Variants in TRPC4AP observed in about 807,000 individuals in gnomAD.
The protein encoded by TRPC4AP is short transient receptor potential channel 4-associated protein.
TRPC4AP carries 45 observed loss-of-function variants against 99.0 expected under a neutral mutation model. The ratio of observed to expected loss-of-function variants is 0.45; its 90% CI spans 0.36 to 0.58. The LOEUF (loss-of-function observed/expected upper bound fraction) is 0.58, where lower values mean the gene tolerates loss of function less well. Among genes scored for constraint, TRPC4AP ranks in the 20% least tolerant of loss-of-function variants. The pLI, the probability that TRPC4AP is intolerant of heterozygous loss-of-function variation, is 0.00. For missense variants in TRPC4AP, 879 were observed against 985.3 expected (o/e 0.89, Z 1.44); for synonymous variants, 408 against 385.8 (o/e 1.06, Z -0.67).
chr20:35,027,522 A>G (rs1387156996), intron 8 of TRPC4AP, among the ~76,000 whole-genome samples: 3 of 152,216 alleles, frequency 2.0e-5, no homozygotes, highest in Non-Finnish European at 4.4e-5. Flanking sequence ...TATCATGATA[A>G]TATGACCTCA....
At chr20:35,065,131 G>A (rs1278387134) in intron 3 of TRPC4AP, among the ~76,000 whole-genome samples, 1 of 152,212 alleles carries the variant, frequency 6.6e-6, no homozygotes, top group Non-Finnish European at 1.5e-5. Flanking sequence ...TCAAATGGAA[G>A]ATAGACTATG....
intron 5 of TRPC4AP, among the ~76,000 whole-genome samples, chr20:35,051,862 T>C (rs539113624): frequency 1.3e-5 from 2 of 152,266 alleles, no homozygotes; most frequent in South Asian, 4.1e-4. Flanking sequence ...TTCTCCTCTC[T>C]TCAATTTATC....
intron 1 of TRPC4AP, among the ~76,000 whole-genome samples, chr20:35,079,632 C>T (rs2084575704): frequency 6.6e-6 from 1 of 151,992 alleles, no homozygotes; most frequent in Admixed American, 6.6e-5. Flanking sequence ...AAACTCTAAC[C>T]AGGCTTATCA....
At chr20:35,006,650 G>C (rs2082524387) in intron 14 of TRPC4AP, 75 bp from the exon 15 acceptor site, 2 of 1,557,582 alleles carry the variant, frequency 1.3e-6, no homozygotes. Context: ...CTCAGACCAT[G>C]CATTGGCTTT....
chr20:35,043,912 G>A (rs1255102078), intron 7 of TRPC4AP, among the ~76,000 whole-genome samples: 12 of 152,124 alleles, frequency 7.9e-5, no homozygotes, highest in Non-Finnish European at 1.6e-4. Context: ...AGGCCCAGGA[G>A]AGACTTAGTA....
chr20:35,010,071 T>C (rs1490877852), intron 12 of TRPC4AP, 116 bp downstream of exon 12: 14 of 775,612 alleles, frequency 1.8e-5, no homozygotes, highest in South Asian at 4.9e-5. Context: ...CTCAGGACAC[T>C]GTAGCTGCAT....
chr20:35,042,970 T>C (rs1484439437), intron 7 of TRPC4AP, among the ~76,000 whole-genome samples: 2 of 152,198 alleles, frequency 1.3e-5, no homozygotes, highest in Non-Finnish European at 2.9e-5. Context: ...TGTGTACCCT[T>C]TGTTTCTTTA....
intron 1 of TRPC4AP, among the ~76,000 whole-genome samples, chr20:35,088,525 T>C (rs908000066): frequency 6.6e-6 from 1 of 152,268 alleles, no homozygotes; most frequent in Non-Finnish European, 1.5e-5. Flanking sequence ...CCAGTCTAAT[T>C]AACTACTAGC....
At chr20:35,015,432 G>A (rs1296027218) in intron 10 of TRPC4AP, among the ~76,000 whole-genome samples, 1 of 150,948 alleles carries the variant, frequency 6.6e-6, no homozygotes, top group Non-Finnish European at 1.5e-5. Flanking sequence ...ATTACAAGGG[G>A]AAGTTGGCTA....
intron 2 of TRPC4AP, among the ~76,000 whole-genome samples, chr20:35,074,712 A>C (rs2084425486): frequency 6.6e-6 from 1 of 152,230 alleles, no homozygotes; most frequent in South Asian, 2.1e-4. Flanking sequence ...TTTTGGAATA[A>C]GTGCGACGTG....
chr20:35,050,555 A>G (rs2083671549), intron 5 of TRPC4AP, among the ~76,000 whole-genome samples: 1 of 151,946 alleles, frequency 6.6e-6, no homozygotes, highest in South Asian at 2.1e-4. Context: ...TCTACTGAAA[A>G]TATAAATATT....
Position 35,078,540 on chromosome 20 carries a change from C to T in TRPC4AP, c.169-366G>A, listed in dbSNP as rs1490608112. 2.6e-5 allele frequency among the ~76,000 whole-genome samples: 4 copies of T among 152,136 alleles called. No homozygotes were observed. The East Asian group carries it at 7.7e-4, about 29-fold the overall frequency. The stretch of plus-strand genomic sequence containing the variant: ...AAAAATAATGGAACCATATAAACTG[C>T]TCAGTTAAGCCCATAAAAGGCAGAA... On this transcript the variant is annotated intron_variant, in intron 1 of 18. Transcript: ENST00000252015.
At chr20:35,085,212 A>C (rs1175793843) in intron 1 of TRPC4AP, among the ~76,000 whole-genome samples, 1 of 152,230 alleles carries the variant, frequency 6.6e-6, no homozygotes, top group Non-Finnish European at 1.5e-5. Context: ...TTTTTGTTAC[A>C]AGCTCCATGA....
At chr20:35,047,611 G>T (rs1205966245) in intron 6 of TRPC4AP, among the ~76,000 whole-genome samples, 1 of 152,114 alleles carries the variant, frequency 6.6e-6, no homozygotes, top group African/African-American at 2.4e-5. Context: ...TTTTTGCTGG[G>T]GCAGTGGCTT....
At chr20:35,082,974 T>C (rs963873177) in intron 1 of TRPC4AP, among the ~76,000 whole-genome samples, 1 of 152,186 alleles carries the variant, frequency 6.6e-6, no homozygotes, top group Non-Finnish European at 1.5e-5. Context: ...ATCAGGAACA[T>C]GCTACTTCTA....
chr20:35,036,435 G>A (rs2083319457), intron 7 of TRPC4AP, among the ~76,000 whole-genome samples: 1 of 152,174 alleles, frequency 6.6e-6, no homozygotes, highest in Non-Finnish European at 1.5e-5. Context: ...TTGGAACCAT[G>A]TGAATGTTAC....
chr20:35,008,761 G>C lies in TRPC4AP; in HGVS notation c.1512-14C>G, dbSNP rs2082566484. 1.9e-6 allele frequency: 3 copies of C among 1,612,044 alleles called. No homozygotes were observed. The highest frequency in any genetic ancestry group is 1.7e-6 in the Non-Finnish European group (2 of 1,178,490). On this transcript the variant is annotated splice_polypyrimidine_tract_variant and intron_variant, in intron 12 of 18. Coordinates refer to ENST00000252015, the MANE Select transcript of TRPC4AP (RefSeq NM_015638.3). Reference sequence around the variant, plus strand: ...CACACCAAACTCCTGAAATAGAAGAGAGATATTGGTGACAGATCTGAGAGG... The same window carrying C: ...CACACCAAACTCCTGAAATAGAAGACAGATATTGGTGACAGATCTGAGAGG...
At chr20:35,084,190 T>A (rs1196069784) in intron 1 of TRPC4AP, among the ~76,000 whole-genome samples, 1 of 150,782 alleles carries the variant, frequency 6.6e-6, no homozygotes, top group East Asian at 1.9e-4. Flanking sequence ...TAATCCCAGC[T>A]ACTCGGGGGG....
At chr20:35,087,311 C>A (rs544930073) in intron 1 of TRPC4AP, among the ~76,000 whole-genome samples, 1 of 149,690 alleles carries the variant, frequency 6.7e-6, no homozygotes, top group East Asian at 1.9e-4. Context: ...TGCCCTCCAG[C>A]CTGGGCAACA....
Sources: allele counts gnomAD v4.1 joint callset (sites outside exome capture counted in the v4.1 genomes callset), GRCh38; gene constraint gnomAD v4.1.1; transcripts MANE v1.5; gene names NCBI Gene and HGNC (gene_info 2026-07-23, HGNC 2026-07-21).